The following STK4 variants were observed in gnomAD, a reference collection of about 807,000 sequenced individuals.
STK4 encodes serine/threonine kinase 4.
In STK4, 30 loss-of-function variants were observed where a neutral mutation model predicts 64.9. The ratio of observed to expected loss-of-function variants is 0.46; its 90% CI spans 0.35 to 0.63. The LOEUF (loss-of-function observed/expected upper bound fraction) is 0.63. STK4 is among the 20% of genes least tolerant of loss of function. STK4 has a pLI of 0.01. For missense variants in STK4, 466 were observed against 598.5 expected (o/e 0.78, Z 2.31); for synonymous variants, 177 against 199.0 (o/e 0.89, Z 0.93).
intron 9 of STK4, among the ~76,000 whole-genome samples, chr20:45,021,197 C>T (rs1220023778): frequency 2.0e-5 from 3 of 151,998 alleles, no homozygotes; most frequent in African/African-American, 7.2e-5. Context: ...ATAGCCAGGC[C>T]CAGAGTCATT....
At chr20:44,967,109 A>G in intron 1 of STK4, 2 of 980,670 alleles carry the variant, frequency 2.0e-6, no homozygotes, top group Non-Finnish European at 2.4e-6. Flanking sequence ...CATGCGAGGA[A>G]AGGTTGAGGG....
intron 1 of STK4, among the ~76,000 whole-genome samples, chr20:44,971,523 A>G (rs1201045783): frequency 1.3e-5 from 2 of 152,204 alleles, no homozygotes; most frequent in South Asian, 4.1e-4. Context: ...ATTCATAGTT[A>G]TGTTTCAATT....
intron 10 of STK4, among the ~76,000 whole-genome samples, chr20:45,026,238 G>A (rs2068344074): frequency 6.6e-6 from 1 of 150,634 alleles, no homozygotes; most frequent in Non-Finnish European, 1.5e-5. Context: ...CTAGGCGAAG[G>A]AAAATAAGTA....
intron 10 of STK4, among the ~76,000 whole-genome samples, chr20:45,051,786 G>C (rs2068781099): frequency 6.6e-6 from 1 of 152,180 alleles, no homozygotes; most frequent in Non-Finnish European, 1.5e-5. Context: ...TGCAGGCAGG[G>C]AGACAGATTA....
intron 6 of STK4, among the ~76,000 whole-genome samples, chr20:44,996,632 A>G (rs2067735655): frequency 6.6e-6 from 1 of 152,224 alleles, no homozygotes; most frequent in Admixed American, 6.5e-5. Flanking sequence ...TGGACATAGT[A>G]GAATGTAACT....
At position 44,990,391 on chromosome 20, in the gene STK4, G is replaced by T. The variant is rs1231918756; in HGVS notation, c.525+3095G>T. Among the ~76,000 whole-genome samples, 3 of 148,090 alleles carry T rather than the reference G, an allele frequency of 2.0e-5. No homozygotes were observed. In the East Asian group the frequency reaches 6.1e-4, roughly 30 times the overall value. On this transcript the variant is annotated intron_variant, in intron 5 of 10. Transcript: ENST00000372806. ...ATATTATCTTGTGTCCTGGCACCTT[G>T]CTGGACTTTTTTTTTTTTAAATTAA... is the stretch of plus-strand genomic sequence containing the variant.
At chr20:44,978,866 T>G (rs1424410290) in intron 3 of STK4, among the ~76,000 whole-genome samples, 1 of 150,804 alleles carries the variant, frequency 6.6e-6, no homozygotes, top group Non-Finnish European at 1.5e-5. Context: ...TGGTGCAATC[T>G]CGGCTCATTG....
At chr20:44,987,353 C>T in intron 5 of STK4, 57 bp downstream of exon 5, 1 of 1,485,828 alleles carries the variant, frequency 6.7e-7, no homozygotes, top group South Asian at 1.3e-5. Flanking sequence ...AGAAGCAGTT[C>T]CTTTTATTTA....
intron 10 of STK4, among the ~76,000 whole-genome samples, chr20:45,064,851 G>T (rs942859508): frequency 1.3e-5 from 2 of 152,142 alleles, no homozygotes; most frequent in Non-Finnish European, 2.9e-5. Context: ...GAGCTTTTGG[G>T]CAAAGTCTAT....
At chr20:45,020,068 A>G (rs2068215217) in intron 9 of STK4, among the ~76,000 whole-genome samples, 1 of 152,128 alleles carries the variant, frequency 6.6e-6, no homozygotes. Context: ...GATGTAGATC[A>G]CTAAACTTAA....
chr20:44,978,118 T>A (rs1242237447), intron 2 of STK4, among the ~76,000 whole-genome samples: 3 of 152,224 alleles, frequency 2.0e-5, no homozygotes, highest in Non-Finnish European at 4.4e-5. Flanking sequence ...AGTCATCTCA[T>A]CTTCATTTTT....
intron 10 of STK4, among the ~76,000 whole-genome samples, chr20:45,043,913 T>C (rs2068652796): frequency 6.6e-6 from 1 of 152,072 alleles, no homozygotes; most frequent in Admixed American, 6.6e-5. Context: ...TACCTAAACT[T>C]TTCCCCCAGT....
rs189966758 is a variant in STK4 at position 45,075,280 on chromosome 20, C to T, written c.*104C>T. On this transcript the variant is annotated 3_prime_UTR_variant, in exon 11 of 11. Coordinates refer to ENST00000372806, the MANE Select transcript of STK4 (RefSeq NM_006282.5). ...CAGCACTTCTGCTCTGTCGTCTCTC[C>T]ACAGCACCTTTGTGAACTCAGGAAT... The T allele has an allele frequency of 3.3e-4, 481 of 1,445,830 alleles. 4 individuals carry two copies. The Admixed American group carries it at 8.9e-3, about 27-fold the overall frequency. The allele number at this position is 1,445,830 out of a possible 1,614,324, so 89.6% of individuals were successfully genotyped here.
At chr20:44,968,190 T>G (rs2067184720) in intron 1 of STK4, among the ~76,000 whole-genome samples, 1 of 152,040 alleles carries the variant, frequency 6.6e-6, no homozygotes, top group Admixed American at 6.5e-5. Flanking sequence ...CAGTCTGAAG[T>G]GCAGTGGCGC....
rs1293316589 is a variant in STK4, at chr20:45,025,024, A to T, written c.1199A>T (p.Glu400Val). Residue 400 changes from glutamate to valine, a missense_variant, in exon 10 of 11, where the codon GAA becomes GTA. By Grantham distance (121) the Glu-to-Val change is moderately radical (BLOSUM62 -2). Around this residue, in one of 2 missense-constraint regions of STK4, gnomAD observed 276 missense variants for 308.9 expected, o/e 0.89. Coordinates refer to ENST00000372806, the MANE Select transcript of STK4 (RefSeq NM_006282.5). ...AAACCATCCTTTCTTGAATATTTTGAACAAAAAGAAAAGGAAAACCAGATC... is the reference window on the plus strand; with the variant it reads ...AAACCATCCTTTCTTGAATATTTTGTACAAAAAGAAAAGGAAAACCAGATC... The part of the protein sequence containing the change: ...PAKPSFLEYF[E>V]QKEKENQINS... The T allele has an allele frequency of 2.5e-6, 4 of 1,613,466 alleles. No individual in the cohort carries two copies. The highest frequency in any genetic ancestry group is 1.7e-6 in the Non-Finnish European group (2 of 1,179,762).
chr20:45,038,030 T>G lies in STK4; in HGVS notation c.1305+12900T>G, dbSNP rs149425124. Among the ~76,000 whole-genome samples the G allele has an allele frequency of 4.5e-3, 679 of 152,320 alleles. 8 individuals carry two copies. Among genetic ancestry groups the G allele is most frequent in the Non-Finnish European group, 5.4e-3 (368 of 67,998 alleles). On this transcript the variant is annotated intron_variant, in intron 10 of 10. Coordinates refer to ENST00000372806, the MANE Select transcript of STK4 (RefSeq NM_006282.5). Reference sequence around the variant, plus strand: ...ATTTGAAACTTTATCTGCCATTTCATAGAGACAAAAATAACTCTCCCAAAA... The same window carrying G: ...ATTTGAAACTTTATCTGCCATTTCAGAGAGACAAAAATAACTCTCCCAAAA...
At chr20:45,070,885 C>CGAAA (rs1980010116) in intron 10 of STK4, among the ~76,000 whole-genome samples, 1 of 108,806 alleles carries the variant, frequency 9.2e-6, no homozygotes, top group South Asian at 3.3e-4. Flanking sequence ...GACTCCGTCT[C>CGAAA]AAAAAAAAAA....
At chr20:45,037,371 C>CT (rs1005261098) in intron 10 of STK4, among the ~76,000 whole-genome samples, 1 of 151,842 alleles carries the variant, frequency 6.6e-6, no homozygotes, top group East Asian at 1.9e-4. Flanking sequence ...CCAATGTACC[C>CT]TTTTTTGCTG....
At chr20:45,049,857 G>A (rs544165607) in intron 10 of STK4, among the ~76,000 whole-genome samples, 112 of 152,284 alleles carry the variant, frequency 7.4e-4, no homozygotes, top group South Asian at 3.1e-3. Flanking sequence ...AAAGCCAAGT[G>A]TAGTCCTCAT....
Sources: gnomAD v4.1 joint callset for allele counts (sites outside exome capture counted in the v4.1 genomes callset) on GRCh38, gnomAD v4.1.1 for gene constraint, gnomAD v4.1.1 regional missense constraint, MANE v1.5 for transcripts, NCBI Gene and HGNC (gene_info 2026-07-23, HGNC 2026-07-21) for gene names.